The following CDH22 variants were observed in gnomAD, a reference collection of about 807,000 sequenced individuals.
The protein encoded by CDH22 is cadherin 22.
A neutral mutation model predicts 58.4 loss-of-function variants in CDH22; 30 were observed. That is an observed-to-expected ratio of 0.51 (90% CI 0.38 to 0.70). The LOEUF (loss-of-function observed/expected upper bound fraction) is 0.70. Ranked by LOEUF, CDH22 falls within the 30% of genes least tolerant of loss-of-function variation. The pLI, the probability that CDH22 is intolerant of heterozygous loss-of-function variation, is 0.00. For synonymous variants in CDH22, 513 were observed against 558.2 expected, an observed-to-expected ratio of 0.92 and a Z score of 1.14; for missense variants, 1,014 against 1,233.9, an observed-to-expected ratio of 0.82 and a Z score of 2.67.
chr20:46,281,657 T>C (rs2086551475), intron 1 of CDH22, among the ~76,000 whole-genome samples: 1 of 152,230 alleles, frequency 6.6e-6, no homozygotes. Flanking sequence ...CAGAGTGCAT[T>C]ATTTCGAAGG....
At chr20:46,248,262 G>T (rs944039944) in intron 2 of CDH22, among the ~76,000 whole-genome samples, 14 of 152,202 alleles carry the variant, frequency 9.2e-5, no homozygotes, top group Admixed American at 9.2e-4. Context: ...GCAGATGAAG[G>T]CGTGAGTCAG....
At chr20:46,274,478 G>C (rs2086507835) in intron 1 of CDH22, among the ~76,000 whole-genome samples, 1 of 152,184 alleles carries the variant, frequency 6.6e-6, no homozygotes, top group Non-Finnish European at 1.5e-5. Flanking sequence ...TTCCACTGTA[G>C]ATTATTCTCC....
At chr20:46,245,047 T>C (rs2086318487) in intron 2 of CDH22, among the ~76,000 whole-genome samples, 1 of 152,174 alleles carries the variant, frequency 6.6e-6, no homozygotes, top group African/African-American at 2.4e-5. Context: ...CCACATATAT[T>C]CTGAAGATTC....
At chr20:46,280,098 C>T (rs1258846350) in intron 1 of CDH22, among the ~76,000 whole-genome samples, 1 of 152,182 alleles carries the variant, frequency 6.6e-6, no homozygotes, top group Non-Finnish European at 1.5e-5. Flanking sequence ...CAGGCTGGGC[C>T]TCTTTTTCTG....
At chr20:46,178,240 G>T (rs527357123) in intron 10 of CDH22, 43 bp from the exon 11 acceptor site, 2 of 1,589,064 alleles carry the variant, frequency 1.3e-6, no homozygotes, top group African/African-American at 1.3e-5. Flanking sequence ...GGGGCCGGGG[G>T]TCAGCATCCT....
intron 4 of CDH22, among the ~76,000 whole-genome samples, chr20:46,226,182 C>T (rs1394588274): frequency 6.6e-6 from 1 of 152,114 alleles, no homozygotes; most frequent in Non-Finnish European, 1.5e-5. Context: ...TTGCCTGAGC[C>T]ATACCCTGTA....
In CDH22 at chr20:46,199,477, G is replaced by A. The variant is rs764589293; in HGVS notation, c.1369C>T (p.Leu457=). 6 of 1,613,750 alleles carry A rather than the reference G, an allele frequency of 3.7e-6. No individual in the cohort carries two copies. The Admixed American group carries it at 1.0e-4, about 27-fold the overall frequency. Residue 457 remains leucine, a synonymous_variant, in exon 8 of 12, where the codon CTG becomes TTG. Transcript: ENST00000537909. ...DTGAIVTGKG[L]DRETAGWHNI... is the part of the protein sequence containing the mutation. ...TGCCAGCCGGCCGTCTCGCGGTCCA[G>A]CCCCTTGCCAGTCACGATGGCGCCT...
chr20:46,215,838 T>A (rs1204727109), intron 5 of CDH22, among the ~76,000 whole-genome samples: 1 of 152,178 alleles, frequency 6.6e-6, no homozygotes, highest in African/African-American at 2.4e-5. Flanking sequence ...ATGCCACCCG[T>A]CTGCATGGGG....
chr20:46,287,246 A>G (rs1037265055), intron 1 of CDH22, among the ~76,000 whole-genome samples: 13 of 152,330 alleles, frequency 8.5e-5, no homozygotes, highest in African/African-American at 3.1e-4. Context: ...CAGGACTTAA[A>G]TAGCTAAAAA....
In CDH22 at chr20:46,184,184, C is replaced by T. The variant is rs542323813; in HGVS notation, c.1663+2404G>A. ...TGAGATCTCACCTCACTGCAACCTC[C>T]GCCTCCTGGGTTCAAGCAATTCTCC... On this transcript the variant is annotated intron_variant, in intron 10 of 11. Transcript: ENST00000537909. 1.4e-3 allele frequency among the ~76,000 whole-genome samples: 208 copies of T among 151,880 alleles called. 1 individual carries two copies. The highest frequency in any genetic ancestry group is 1.6e-3 in the Non-Finnish European group (111 of 67,934).
chr20:46,282,979 A>G (rs928270722), intron 1 of CDH22, among the ~76,000 whole-genome samples: 19 of 152,124 alleles, frequency 1.2e-4, no homozygotes, highest in African/African-American at 4.6e-4. Flanking sequence ...GAGTCCAGAG[A>G]CCCAGGTTCA....
At chr20:46,273,418 A>G (rs2145759526) in intron 1 of CDH22, among the ~76,000 whole-genome samples, 1 of 152,324 alleles carries the variant, frequency 6.6e-6, no homozygotes, top group South Asian at 2.1e-4. Context: ...GTTGGCCCCA[A>G]AAACCTAGTC....
At chr20:46,219,854 C>T (rs2086111437) in intron 4 of CDH22, 1 of 152,196 alleles carries the variant, frequency 6.6e-6, no homozygotes. Context: ...TGTTGAAGGT[C>T]ACACGTGTAG....
chr20:46,237,777 C>T (rs902038979), intron 3 of CDH22, among the ~76,000 whole-genome samples: 4 of 152,160 alleles, frequency 2.6e-5, no homozygotes, highest in African/African-American at 9.7e-5. Context: ...TCTGCATGAC[C>T]TTGGATGAGT....
At chr20:46,220,640 G>A (rs2086116911) in intron 4 of CDH22, 3 of 152,396 alleles carry the variant, frequency 2.0e-5, no homozygotes, top group African/African-American at 4.8e-5. Context: ...GCTCTGAGTG[G>A]GGGCTGGAGC....
intron 1 of CDH22, among the ~76,000 whole-genome samples, chr20:46,303,793 C>G (rs993963457): frequency 1.3e-5 from 2 of 152,016 alleles, no homozygotes; most frequent in Non-Finnish European, 2.9e-5. Context: ...GTCATAGTGC[C>G]GAGTCTGGAC....
chr20:46,279,535 T>C (rs539778974), intron 1 of CDH22, among the ~76,000 whole-genome samples: 1 of 152,348 alleles, frequency 6.6e-6, no homozygotes, highest in East Asian at 1.9e-4. Context: ...TGCAGAGTGA[T>C]ACATCAGTAT....
chr20:46,190,517 T>G (rs368891839), intron 8 of CDH22, among the ~76,000 whole-genome samples: 7 of 152,354 alleles, frequency 4.6e-5, no homozygotes, highest in East Asian at 1.9e-4. Flanking sequence ...AAGGACTGGG[T>G]GCCCCACAGC....
chr20:46,224,217 C>T (rs566685818), intron 4 of CDH22, among the ~76,000 whole-genome samples: 5 of 152,318 alleles, frequency 3.3e-5, no homozygotes, highest in South Asian at 2.1e-4. Context: ...CACTGCTTGA[C>T]GTTATGTTAT....
Sources: allele counts gnomAD v4.1 joint callset (sites outside exome capture counted in the v4.1 genomes callset), GRCh38; gene constraint gnomAD v4.1.1; transcripts MANE v1.5; gene names NCBI Gene and HGNC (gene_info 2026-07-23, HGNC 2026-07-21).